CXorf58: variants seen among roughly 807,000 people sequenced by gnomAD.
The protein encoded by CXorf58 is uncharacterized protein CXorf58.
A neutral mutation model predicts 26.0 loss-of-function variants in CXorf58; 24 were observed. The ratio of observed to expected loss-of-function variants is 0.92; its 90% CI spans 0.67 to 1.30. CXorf58 has a LOEUF of 1.30. Among genes scored for constraint, CXorf58 ranks in the 50% most tolerant of loss-of-function variants. CXorf58 has a pLI of 0.00. For missense variants in CXorf58, 236 were observed against 263.9 expected, an observed-to-expected ratio of 0.89 and a Z score of 0.73; for synonymous variants, 87 against 86.1, an observed-to-expected ratio of 1.01 and a Z score of -0.06.
intron 6 of CXorf58, among the ~76,000 whole-genome samples, chrX:23,928,548 T>G (rs781701600): frequency 2.2e-4 from 25 of 111,790 alleles, no homozygotes; most frequent in African/African-American, 7.5e-4. Context: ...ATCAGTGCCA[T>G]TTTTCCAATA....
chrX:23,922,746 G>C (rs1927903046), intron 5 of CXorf58, among the ~76,000 whole-genome samples: 1 of 112,469 alleles, frequency 8.9e-6, no homozygotes, highest in Non-Finnish European at 1.9e-5. Context: ...TATGTAATTG[G>C]ACTGTTCCAA....
At chrX:23,935,117 C>G in intron 6 of CXorf58, 79 bp from the exon 7 acceptor site, 1 of 736,843 alleles carries the variant, frequency 1.4e-6, no homozygotes, top group Admixed American at 2.6e-5. Context: ...CCACCCGCAT[C>G]AGCCTCCCAA....
chrX:23,930,014 C>A (rs1169957595), intron 6 of CXorf58, among the ~76,000 whole-genome samples: 2 of 108,192 alleles, frequency 1.8e-5, no homozygotes, highest in Admixed American at 1.0e-4. Context: ...TGGCTAACAC[C>A]GTGAAACCCC....
chrX:23,938,465 G>A (rs1569256803), intron 7 of CXorf58, 82 bp from the exon 8 acceptor site: 5 of 753,517 alleles, frequency 6.6e-6, no homozygotes, highest in Non-Finnish European at 9.4e-6. Context: ...GCTAGAGAAA[G>A]CTTTAATGAA....
At chrX:23,920,890 CA>C (rs59587627) in intron 5 of CXorf58, among the ~76,000 whole-genome samples, 10,386 of 53,729 alleles carry the variant, frequency 0.19, 760 homozygotes, top group East Asian at 0.56. Context: ...AAACTCCGTC[CA>C]AAAAAAAAAA....
At chrX:23,932,737 G>A (rs79767832) in intron 6 of CXorf58, among the ~76,000 whole-genome samples, 3 of 111,709 alleles carry the variant, frequency 2.7e-5, no homozygotes, top group African/African-American at 9.8e-5. Flanking sequence ...GCTCATGCCT[G>A]TAATCCCAGC....
intron 5 of CXorf58, among the ~76,000 whole-genome samples, chrX:23,925,500 A>G (rs919155767): frequency 2.7e-5 from 3 of 109,338 alleles, no homozygotes; most frequent in African/African-American, 1.0e-4. Flanking sequence ...GGCACATGCC[A>G]CCATGCTAGG....
intron 3 of CXorf58, among the ~76,000 whole-genome samples, chrX:23,912,243 G>A (rs1478777111): frequency 2.7e-5 from 3 of 110,705 alleles, no homozygotes; most frequent in African/African-American, 6.5e-5. Flanking sequence ...GAGCCACCAC[G>A]CCCGGCCCTT....
At chrX:23,912,770 C>G (rs1927618118) in intron 3 of CXorf58, among the ~76,000 whole-genome samples, 2 of 111,595 alleles carry the variant, frequency 1.8e-5, no homozygotes, top group African/African-American at 6.5e-5. Context: ...TTAAAAGTTC[C>G]CTTACCTTTT....
chrX:23,911,953 CTTT>C (rs746350773), intron 3 of CXorf58, 97 bp downstream of exon 3: 1,704 of 435,436 alleles, frequency 3.9e-3, no homozygotes, highest in Middle Eastern at 8.1e-3. Context: ...TTTATCTCCT[CTTT>C]TTTTTTTTTT....
At chrX:23,911,321 C>A (rs1177845469) in intron 2 of CXorf58, among the ~76,000 whole-genome samples, 1 of 111,222 alleles carries the variant, frequency 9.0e-6, no homozygotes, top group Non-Finnish European at 1.9e-5. Flanking sequence ...AGTCATCCAC[C>A]CCCAGAAGAG....
intron 5 of CXorf58, among the ~76,000 whole-genome samples, chrX:23,921,991 A>G (rs1927882188): frequency 1.8e-5 from 2 of 110,932 alleles, no homozygotes; most frequent in Non-Finnish European, 3.8e-5. Context: ...AGCACTTTCT[A>G]TCAAATATGA....
intron 7 of CXorf58, among the ~76,000 whole-genome samples, chrX:23,937,301 A>G (rs1928315720): frequency 8.9e-6 from 1 of 112,034 alleles, no homozygotes; most frequent in Admixed American, 9.5e-5. Context: ...GGGGAATTAC[A>G]GTATTGATAC....
chrX:23,919,812 C>T (rs774484486), intron 5 of CXorf58, among the ~76,000 whole-genome samples: 1 of 112,855 alleles, frequency 8.9e-6, no homozygotes, highest in Non-Finnish European at 1.9e-5. Flanking sequence ...TTCAAAGGGA[C>T]TCAGGTGTCG....
chrX:23,934,627 G>A (rs894737390), intron 6 of CXorf58, among the ~76,000 whole-genome samples: 14 of 111,214 alleles, frequency 1.3e-4, no homozygotes, highest in African/African-American at 3.9e-4. Flanking sequence ...CAACGTGCAG[G>A]TTTGTTACAT....
rs1927543438 is a variant in CXorf58 at position 23,910,379 on chromosome X, T to C, written c.77T>C (p.Val26Ala). Residue 26 changes from valine to alanine, a missense_variant, in exon 2 of 9, where the codon GTA becomes GCA. Coordinates refer to ENST00000379211, the MANE Select transcript of CXorf58 (RefSeq NM_152761.3). The part of the protein sequence containing the change: ...GTRSLQKVRR[V>A]HFANARNARS... Reference sequence around the variant, plus strand: ...AGATCCTTACAAAAAGTTCGCAGAGTACATTTCGCAAATGCACGAAATGCA... The same window carrying C: ...AGATCCTTACAAAAAGTTCGCAGAGCACATTTCGCAAATGCACGAAATGCA... 1 of 1,186,672 alleles carries C rather than the reference T, an allele frequency of 8.4e-7. No individual in the cohort carries two copies. Among genetic ancestry groups the C allele is most frequent in the African/African-American group, 1.7e-5 (1 of 57,378 alleles).
At chrX:23,936,144 T>TG (rs1251503717) in intron 7 of CXorf58, among the ~76,000 whole-genome samples, 1 of 105,223 alleles carries the variant, frequency 9.5e-6, no homozygotes, top group Non-Finnish European at 2.0e-5. Context: ...AAGGCTGGAG[T>TG]GGGGGTAGGG....
At chrX:23,910,665 G>A (rs1214666468) in intron 2 of CXorf58, among the ~76,000 whole-genome samples, 1 of 111,026 alleles carries the variant, frequency 9.0e-6, no homozygotes, top group African/African-American at 3.3e-5. Context: ...AGTAGCAACC[G>A]GGAGAAGGTA....
In CXorf58 at chrX:23,910,271, A is replaced by G. The variant is rs761448822; in HGVS notation, c.-20-12A>G. 10 of 907,994 alleles carry G rather than the reference A, an allele frequency of 1.1e-5. No homozygotes were observed. In the African/African-American group the frequency reaches 1.4e-4, roughly 12 times the overall value. The allele number at this position is 907,994 out of a possible 1,213,427, so 74.8% of individuals were successfully genotyped here. A position where few individuals can be genotyped will look rare whatever the true frequency, so the allele number is the denominator to read the frequency against. On this transcript the variant is annotated splice_polypyrimidine_tract_variant and intron_variant, in intron 1 of 8. Coordinates refer to ENST00000379211, the MANE Select transcript of CXorf58 (RefSeq NM_152761.3). ...AATTATGACCTCAAAGGGTTAATTTATGTACTTTCAGATTACTTCATTGGA... is the reference window on the plus strand; with the variant it reads ...AATTATGACCTCAAAGGGTTAATTTGTGTACTTTCAGATTACTTCATTGGA...
Sources: gnomAD v4.1 joint callset for allele counts (sites outside exome capture counted in the v4.1 genomes callset) on GRCh38, gnomAD v4.1.1 for gene constraint, MANE v1.5 for transcripts, NCBI Gene and HGNC (gene_info 2026-07-23, HGNC 2026-07-21) for gene names.